BEND3: variants seen among roughly 807,000 people sequenced by gnomAD.
BEND3 encodes the protein BEN domain containing 3.
A neutral mutation model predicts 60.1 loss-of-function variants in BEND3; 13 were observed. The ratio of observed to expected loss-of-function variants is 0.22; its 90% CI spans 0.14 to 0.34. The LOEUF (loss-of-function observed/expected upper bound fraction) is 0.34. Ranked by LOEUF, BEND3 falls within the 10% of genes least tolerant of loss-of-function variation. BEND3 has a pLI of 1.00. For missense variants in BEND3, 896 were observed against 1,138.1 expected (o/e 0.79, Z 3.06); for synonymous variants, 497 against 491.5 (o/e 1.01, Z -0.15).
At chr6:107,112,237 T>C (rs1770120529) in intron 1 of BEND3, among the ~76,000 whole-genome samples, 1 of 152,172 alleles carries the variant, frequency 6.6e-6, no homozygotes, top group South Asian at 2.1e-4. Context: ...GAGACATTAA[T>C]ATAGGATATT....
chr6:107,094,536 G>A (rs2442054), intron 3 of BEND3, among the ~76,000 whole-genome samples: 116,694 of 151,514 alleles, frequency 0.77, 46,461 homozygotes, highest in Non-Finnish European at 0.86. Context: ...CAGGAGAATC[G>A]CTTGAACCCA....
intron 2 of BEND3, 114 bp downstream of exon 2, chr6:107,099,135 G>T: frequency 1.2e-6 from 1 of 817,616 alleles, no homozygotes; most frequent in South Asian, 1.6e-5. Flanking sequence ...AAGTGTGTGG[G>T]TGGAGGGGAC....
intron 3 of BEND3, among the ~76,000 whole-genome samples, chr6:107,085,576 C>T (rs1582653522): frequency 6.6e-6 from 1 of 152,008 alleles, no homozygotes; most frequent in South Asian, 2.1e-4. Flanking sequence ...ACTGCTAGCT[C>T]TGCCTCCCAG....
chr6:107,085,779 C>T (rs1257288940), intron 3 of BEND3, among the ~76,000 whole-genome samples: 1 of 145,450 alleles, frequency 6.9e-6, no homozygotes, highest in Admixed American at 7.0e-5. Context: ...GCGTGAGCCA[C>T]CGCACCTGGC....
chr6:107,085,211 T>A (rs918943043), intron 3 of BEND3, among the ~76,000 whole-genome samples: 1 of 152,000 alleles, frequency 6.6e-6, no homozygotes, highest in Non-Finnish European at 1.5e-5. Context: ...TCCCAACACA[T>A]CTGAACATCT....
At chr6:107,074,279 G>T (rs1246026938) in intron 3 of BEND3, among the ~76,000 whole-genome samples, 1 of 152,282 alleles carries the variant, frequency 6.6e-6, no homozygotes, top group African/African-American at 2.4e-5. Context: ...GTTGGGTGTG[G>T]TGGCGCGTGC....
chr6:107,102,393 A>G (rs1200141268), intron 1 of BEND3, among the ~76,000 whole-genome samples: 1 of 152,178 alleles, frequency 6.6e-6, no homozygotes, highest in African/African-American at 2.4e-5. Context: ...GTGACCCTAC[A>G]GCAGGCAATT....
chr6:107,070,430 T>C lies in BEND3; in HGVS notation c.761A>G (p.Lys254Arg), dbSNP rs565758735. Residue 254 changes from lysine to arginine, a missense_variant, in exon 4 of 4, where the codon AAG becomes AGG. This residue lies in a region of BEND3 where 846 missense variants were observed against 1,036.7 expected (regional missense o/e 0.82). Coordinates refer to ENST00000369042, the MANE Select transcript of BEND3 (RefSeq NM_001367314.1). This position sits in a 1 kb window ranked among gnomAD's most constrained non-coding sequence, Gnocchi z 6.9. ...TGACAGGCTCTGGTCCACGATCTGC[T>C]TGAGCTCTGCGGCTGTGAGCTGGTA... ...PEYQLTAAEL[K>R]QIVDQSLSGG... The C allele has an allele frequency of 1.2e-6, 2 of 1,614,092 alleles. No homozygotes were observed. Among genetic ancestry groups the C allele is most frequent in the East Asian group, 2.2e-5 (1 of 44,886 alleles).
At position 107,069,832 on chromosome 6, in the gene BEND3, G is replaced by A; in HGVS notation, c.1359C>T (p.Asn453=). ...TGTCAGGGAAGTAGATCTCCGTGTA[G>A]TTGCGGATGATCTGCAGCCGCTGCG... ...LDPQRLQIIR[N]YTEIYFPDMQ... The change falls in exon 4 of 4, where the codon AAC becomes AAT. Residue 453 remains asparagine (N), a synonymous_variant. Coordinates refer to ENST00000369042, the MANE Select transcript of BEND3 (RefSeq NM_001367314.1). The A allele has an allele frequency of 6.2e-7, 1 of 1,613,592 alleles. No individual in the cohort carries two copies. Among genetic ancestry groups the A allele is most frequent in the African/African-American group, 1.3e-5 (1 of 75,056 alleles).
At position 107,067,475 on chromosome 6, in the gene BEND3, G is replaced by A. The variant is rs1774857564; in HGVS notation, c.*1229C>T. 6.6e-6 allele frequency: 1 copy of A among 152,286 alleles called. No homozygotes were observed. Among genetic ancestry groups the A allele is most frequent in the Non-Finnish European group, 1.5e-5 (1 of 68,080 alleles). The allele number at this position is 152,286 out of a possible 1,614,324, so 9.4% of individuals were successfully genotyped here. A position where few individuals can be genotyped will look rare whatever the true frequency, so the allele number is the denominator to read the frequency against. The stretch of plus-strand genomic sequence containing the variant: ...ACATTCCCAGTCGGGAGGGAACGAA[G>A]ACATGTGCCCCCCAAGGCAGGGGGT... On this transcript the variant is annotated 3_prime_UTR_variant, in exon 4 of 4. Transcript: ENST00000369042.
chr6:107,087,325 G>T (rs1391858059), intron 3 of BEND3, among the ~76,000 whole-genome samples: 1 of 148,882 alleles, frequency 6.7e-6, no homozygotes, highest in Non-Finnish European at 1.5e-5. Context: ...ACTCAAAAAA[G>T]AAAAGAAAAG....
intron 3 of BEND3, among the ~76,000 whole-genome samples, chr6:107,097,481 T>A (rs1554236118): frequency 1.4e-5 from 2 of 147,472 alleles, no homozygotes; most frequent in African/African-American, 5.0e-5. Flanking sequence ...CCTGAATAAA[T>A]AAAATAGTAA....
At chr6:107,087,065 C>T (rs1387637781) in intron 3 of BEND3, among the ~76,000 whole-genome samples, 3 of 151,244 alleles carry the variant, frequency 2.0e-5, no homozygotes, top group African/African-American at 7.3e-5. Context: ...AAACTACAAG[C>T]CTGGGCCGGT....
In BEND3 at chr6:107,069,499, G is replaced by C. The variant is rs199563578; in HGVS notation, c.1692C>G (p.Tyr564Ter). ...AGTTGCCGATGGACAGGCTGCTCTC[G>C]TAGATGCTGCGTAGCTGCTCCTTGC... ...LLSKEQLRSI[Y>*]ESSLSIGNFA... The change falls in exon 4 of 4, where the codon TAC becomes TAG. Residue 564 changes from tyrosine to a stop codon, truncating the protein, a stop_gained. Transcript: ENST00000369042. LOFTEE classifies it high-confidence loss of function. The C allele has an allele frequency of 3.1e-6, 5 of 1,612,940 alleles. No homozygotes were observed. Among genetic ancestry groups the C allele is most frequent in the Non-Finnish European group, 4.2e-6 (5 of 1,180,030 alleles).
intron 3 of BEND3, among the ~76,000 whole-genome samples, chr6:107,078,589 G>A (rs200461323): frequency 2.0e-5 from 3 of 147,478 alleles, no homozygotes; most frequent in Admixed American, 1.4e-4. Flanking sequence ...CAAAGTGCTG[G>A]GATTACAGGC....
At chr6:107,083,279 G>A (rs982562758) in intron 3 of BEND3, among the ~76,000 whole-genome samples, 22 of 152,208 alleles carry the variant, frequency 1.4e-4, no homozygotes, top group African/African-American at 5.1e-4. Flanking sequence ...AAGTGGCAGG[G>A]TTAGGCAGCA....
At chr6:107,099,384 C>A in intron 1 of BEND3, 88 bp from the exon 2 acceptor site, 2 of 1,129,084 alleles carry the variant, frequency 1.8e-6, no homozygotes, top group Non-Finnish European at 1.3e-6. Flanking sequence ...TCTTACCCTC[C>A]CAACCCCAGC....
rs1774824365 is a variant in BEND3, at chr6:107,066,142, G to T, written c.*2562C>A. 6.9e-6 allele frequency: 1 copy of T among 145,054 alleles called. No homozygotes were observed. Among genetic ancestry groups the T allele is most frequent in the Admixed American group, 6.8e-5 (1 of 14,606 alleles). The allele number at this position is 145,054 out of a possible 1,614,324, so 9.0% of individuals were successfully genotyped here. On this transcript the variant is annotated 3_prime_UTR_variant, in exon 4 of 4. Transcript: ENST00000369042. ...AAAAAACAAACAACTAAAAACCAAA[G>T]AATTTAGATGTGGGGGAAGGAAAGC...
intron 1 of BEND3, among the ~76,000 whole-genome samples, chr6:107,102,679 C>T (rs1460172581): frequency 3.3e-5 from 5 of 152,236 alleles, no homozygotes; most frequent in African/African-American, 1.2e-4. Flanking sequence ...ATCAGCTTCA[C>T]TCATTAAGAA....
Sources: allele counts gnomAD v4.1 joint callset (sites outside exome capture counted in the v4.1 genomes callset), GRCh38; gene constraint gnomAD v4.1.1; regional missense constraint gnomAD v4.1.1; non-coding constraint Gnocchi (gnomAD v3.1); transcripts MANE v1.5; gene names NCBI Gene and HGNC (gene_info 2026-07-23, HGNC 2026-07-21).